KIAA1549L: variants seen among roughly 807,000 people sequenced by gnomAD.
KIAA1549L encodes KIAA1549 like.
KIAA1549L carries 88 observed loss-of-function variants against 160.7 expected under a neutral mutation model. The ratio of observed to expected loss-of-function variants is 0.55; its 90% CI spans 0.46 to 0.65. The LOEUF (loss-of-function observed/expected upper bound fraction) is 0.65, where lower values mean the gene tolerates loss of function less well. Among genes scored for constraint, KIAA1549L ranks in the 30% least tolerant of loss-of-function variants. The probability of loss-of-function intolerance (pLI) is 0.00; values close to 1 mark genes in which losing one functional copy is unlikely to be tolerated. For missense variants in KIAA1549L, 2,258 were observed against 2,437.5 expected, an observed-to-expected ratio of 0.93 and a Z score of 1.55; for synonymous variants, 950 against 976.7, an observed-to-expected ratio of 0.97 and a Z score of 0.51.
At chr11:33,464,284 CTCAA>C (rs1009793005) in intron 1 of KIAA1549L, among the ~76,000 whole-genome samples, 1 of 152,146 alleles carries the variant, frequency 6.6e-6, no homozygotes, top group Non-Finnish European at 1.5e-5. Context: ...CTTTCAGGGA[CTCAA>C]TCATTCATTC....
At chr11:33,385,639 A>G (rs1370637388) in intron 1 of KIAA1549L, among the ~76,000 whole-genome samples, 2 of 152,098 alleles carry the variant, frequency 1.3e-5, no homozygotes, top group African/African-American at 2.4e-5. Flanking sequence ...TATGCTTTCT[A>G]TACAGATTTT....
intron 1 of KIAA1549L, among the ~76,000 whole-genome samples, chr11:33,517,118 T>C (rs1434272257): frequency 6.6e-6 from 1 of 152,236 alleles, no homozygotes; most frequent in East Asian, 1.9e-4. Flanking sequence ...GGTGGCAGAA[T>C]TGTTTCCTCG....
At chr11:33,480,390 A>T (rs1430898443) in intron 1 of KIAA1549L, among the ~76,000 whole-genome samples, 1 of 152,110 alleles carries the variant, frequency 6.6e-6, no homozygotes, top group Admixed American at 6.5e-5. Flanking sequence ...GCTGGATAAT[A>T]CTCAATTGTA....
At chr11:33,564,414 A>G (rs147929205) in intron 8 of KIAA1549L, among the ~76,000 whole-genome samples, 847 of 152,328 alleles carry the variant, frequency 5.6e-3, no homozygotes, top group South Asian at 0.022. Flanking sequence ...CAACTATTAA[A>G]TAGGTTTTTG....
At chr11:33,650,677 T>C (rs1465106007) in intron 17 of KIAA1549L, among the ~76,000 whole-genome samples, 1 of 152,186 alleles carries the variant, frequency 6.6e-6, no homozygotes, top group Non-Finnish European at 1.5e-5. Context: ...CTTCCTTCCA[T>C]GCTTGTGTGT....
intron 15 of KIAA1549L, among the ~76,000 whole-genome samples, chr11:33,612,493 G>A (rs1312738827): frequency 6.6e-6 from 1 of 152,194 alleles, no homozygotes; most frequent in African/African-American, 2.4e-5. Flanking sequence ...CTGGGCTCAA[G>A]CAGTCCTCCT....
At position 33,523,167 on chromosome 11, in the gene KIAA1549L, C is replaced by T. The variant is rs116891139; in HGVS notation, c.239-18635C>T. Among the ~76,000 whole-genome samples the T allele has an allele frequency of 8.9e-4, 136 of 152,300 alleles. 5 individuals are homozygous for T. In the East Asian group the frequency reaches 0.018, roughly 20 times the overall value. ...GTGTCTGAAATTGCTAGGACAATGA[C>T]TTTAACTCTGGAATTCCCTCAAAGT... On this transcript the variant is annotated intron_variant, in intron 1 of 20. Transcript: ENST00000658780.
intron 1 of KIAA1549L, among the ~76,000 whole-genome samples, chr11:33,432,586 C>T (rs772414617): frequency 2.6e-5 from 4 of 152,096 alleles, no homozygotes; most frequent in Non-Finnish European, 4.4e-5. Context: ...CTCCTATTTC[C>T]ATGATCTAAA....
Position 33,424,031 on chromosome 11 carries a change from A to G in KIAA1549L, c.238+47142A>G, listed in dbSNP as rs79006929. Reference sequence around the variant, plus strand: ...GTGACAGAATGAGGCTCTGTCTTGGAAAAAAAAAAAAGAATTGGAAGAATT... The same window carrying G: ...GTGACAGAATGAGGCTCTGTCTTGGGAAAAAAAAAAAGAATTGGAAGAATT... On this transcript the variant is annotated intron_variant, in intron 1 of 20. Transcript: ENST00000658780. Among the ~76,000 whole-genome samples, 521 of 109,526 alleles carry G rather than the reference A, an allele frequency of 4.8e-3. 6 individuals carry two copies. Among genetic ancestry groups the G allele is most frequent in the African/African-American group, 0.04 (402 of 10,162 alleles). The allele number at this position is 109,526 out of a possible 152,430, so 71.9% of individuals were successfully genotyped here.
intron 1 of KIAA1549L, among the ~76,000 whole-genome samples, chr11:33,487,402 CTTTTTTTTT>C (rs112165825): frequency 0.012 from 1,008 of 85,554 alleles, 21 homozygotes; most frequent in African/African-American, 0.044. Context: ...GTCTATTGTT[CTTTTTTTTT>C]TTTTTTTTTT....
At chr11:33,454,073 C>T (rs1851774006) in intron 1 of KIAA1549L, among the ~76,000 whole-genome samples, 1 of 152,212 alleles carries the variant, frequency 6.6e-6, no homozygotes, top group Non-Finnish European at 1.5e-5. Flanking sequence ...CATGCGATCC[C>T]TTTCAGCAGA....
chr11:33,440,352 G>T (rs7114417), intron 1 of KIAA1549L, among the ~76,000 whole-genome samples: 30,271 of 150,430 alleles, frequency 0.2, 3,563 homozygotes, highest in Middle Eastern at 0.32. Flanking sequence ...GGATGGTCTC[G>T]ATCTCCTGAC....
At chr11:33,523,889 C>T (rs1420005083) in intron 1 of KIAA1549L, among the ~76,000 whole-genome samples, 1 of 152,108 alleles carries the variant, frequency 6.6e-6, no homozygotes, top group Non-Finnish European at 1.5e-5. Flanking sequence ...CCTCCTTCTA[C>T]ATTTTTGCTT....
chr11:33,465,046 C>CTTTTTTT lies in KIAA1549L; in HGVS notation c.239-76735_239-76729dup, dbSNP rs1008261470. 4.6e-4 allele frequency among the ~76,000 whole-genome samples: 36 copies of CTTTTTTT among 79,004 alleles called. 4 individuals are homozygous for CTTTTTTT. Among genetic ancestry groups the CTTTTTTT allele is most frequent in the African/African-American group, 1.6e-3 (30 of 19,330 alleles). 51.8% of individuals were successfully genotyped at this position (79,004 alleles called of 152,430 possible). ...CATTCAACTCGCATGGGACCTTCTT[C>CTTTTTTT]TTTTTTTTTTTTTTTTTTTTTTTTT... is the stretch of plus-strand genomic sequence containing the variant. On this transcript the variant is annotated intron_variant, in intron 1 of 20. Transcript: ENST00000658780.
intron 1 of KIAA1549L, among the ~76,000 whole-genome samples, chr11:33,435,832 G>GTATA (rs1270906295): frequency 3.0e-5 from 1 of 33,580 alleles, no homozygotes. Context: ...ATATATATAT[G>GTATA]TATATGTATA....
chr11:33,404,855 A>G (rs1850611931), intron 1 of KIAA1549L, among the ~76,000 whole-genome samples: 1 of 151,894 alleles, frequency 6.6e-6, no homozygotes, highest in African/African-American at 2.4e-5. Flanking sequence ...ATAAAAATAC[A>G]AAAAATTAGC....
chr11:33,410,148 A>G (rs1850759026), intron 1 of KIAA1549L, among the ~76,000 whole-genome samples: 2 of 152,146 alleles, frequency 1.3e-5, no homozygotes, highest in Admixed American at 1.3e-4. Context: ...TTTGGAGAAG[A>G]AAAGCAAGTG....
intron 1 of KIAA1549L, among the ~76,000 whole-genome samples, chr11:33,539,188 A>T (rs1037235340): frequency 5.3e-5 from 8 of 152,246 alleles, no homozygotes; most frequent in Non-Finnish European, 1.0e-4. Context: ...TCTGAGGTTA[A>T]ATATTTCTGA....
At chr11:33,482,773 T>G (rs887320010) in intron 1 of KIAA1549L, among the ~76,000 whole-genome samples, 51 of 152,018 alleles carry the variant, frequency 3.4e-4, no homozygotes, top group African/African-American at 1.2e-3. Context: ...TTTCATCATG[T>G]TGGCCAGGCT....
Sources: allele counts gnomAD v4.1 joint callset (sites outside exome capture counted in the v4.1 genomes callset), GRCh38; gene constraint gnomAD v4.1.1; transcripts MANE v1.5; gene names NCBI Gene and HGNC (gene_info 2026-07-23, HGNC 2026-07-21).